SLC44A5: variants seen among roughly 807,000 people sequenced by gnomAD.
The protein encoded by SLC44A5 is solute carrier family 44 member 5, also known as choline transporter-like protein 5.
A neutral mutation model predicts 101.8 loss-of-function variants in SLC44A5; 57 were observed. The observed-to-expected ratio is 0.56, with a 90% CI of 0.45 to 0.70. SLC44A5 has a LOEUF of 0.70. SLC44A5 is among the 30% of genes least tolerant of loss of function. SLC44A5 has a pLI of 0.00. For missense variants in SLC44A5, 737 were observed against 853.1 expected (o/e 0.86, Z 1.70); for synonymous variants, 281 against 290.9 (o/e 0.97, Z 0.35).
intron 5 of SLC44A5, among the ~76,000 whole-genome samples, chr1:75,290,768 C>T (rs1427612548): frequency 6.6e-6 from 1 of 152,138 alleles, no homozygotes; most frequent in Admixed American, 6.5e-5. Context: ...GAAAAACGCC[C>T]AGCCCATATT....
At chr1:75,711,010 G>A in the SLC44A5 span, among the ~76,000 whole-genome samples, 5 of 151,954 alleles carry the variant, frequency 3.3e-5, no homozygotes, top group African/African-American at 4.8e-5. Flanking sequence ...TATAACTTTA[G>A]CTTGCACATG....
the SLC44A5 span, among the ~76,000 whole-genome samples, chr1:75,723,255 A>G: frequency 6.6e-6 from 1 of 152,222 alleles, no homozygotes. Flanking sequence ...TTCTGCAGAA[A>G]GTAAACTAGC....
At chr1:75,254,919 A>G (rs1352575709) in intron 6 of SLC44A5, among the ~76,000 whole-genome samples, 1 of 152,154 alleles carries the variant, frequency 6.6e-6, no homozygotes, top group African/African-American at 2.4e-5. Context: ...GCAAAAAAAA[A>G]TCTCATAATG....
At chr1:75,675,008 T>G in the SLC44A5 span, among the ~76,000 whole-genome samples, 1 of 152,214 alleles carries the variant, frequency 6.6e-6, no homozygotes. Flanking sequence ...CTTTGGTTAC[T>G]GTAGAGCCTT....
intron 1 of SLC44A5, among the ~76,000 whole-genome samples, chr1:75,553,711 A>G (rs1367390756): frequency 1.3e-5 from 2 of 152,190 alleles, no homozygotes; most frequent in African/African-American, 4.8e-5. Flanking sequence ...CTCTTAGAGA[A>G]AGAAAGTATG....
intron 1 of SLC44A5, among the ~76,000 whole-genome samples, chr1:75,547,923 A>G (rs1671737365): frequency 6.6e-6 from 1 of 152,202 alleles, no homozygotes; most frequent in Non-Finnish European, 1.5e-5. Flanking sequence ...TAAAGTCTGC[A>G]TTGACTGAAT....
At chr1:75,652,428 T>G in the SLC44A5 span, among the ~76,000 whole-genome samples, 1 of 152,172 alleles carries the variant, frequency 6.6e-6, no homozygotes, top group Non-Finnish European at 1.5e-5. Flanking sequence ...AGGCAAGAAT[T>G]GAGGTTGCTG....
intron 2 of SLC44A5, among the ~76,000 whole-genome samples, chr1:75,451,783 AAATC>A (rs1454289373): frequency 2.0e-5 from 3 of 152,242 alleles, no homozygotes; most frequent in Admixed American, 6.5e-5. Context: ...CTTTCTAACT[AAATC>A]AGTCAGACAA....
intron 2 of SLC44A5, among the ~76,000 whole-genome samples, chr1:75,484,044 T>A (rs967750073): frequency 6.6e-6 from 1 of 152,146 alleles, no homozygotes; most frequent in African/African-American, 2.4e-5. Flanking sequence ...CATGTGGGAA[T>A]TACAATTCAA....
intron 2 of SLC44A5, among the ~76,000 whole-genome samples, chr1:75,501,011 A>G (rs1214223267): frequency 6.6e-6 from 1 of 152,188 alleles, no homozygotes; most frequent in African/African-American, 2.4e-5. Context: ...AATATGCTTA[A>G]GGCAAAGTCA....
At chr1:75,404,440 G>A (rs1015353404) in intron 2 of SLC44A5, among the ~76,000 whole-genome samples, 2 of 152,176 alleles carry the variant, frequency 1.3e-5, no homozygotes, top group Non-Finnish European at 2.9e-5. Context: ...GTTAGGGGCA[G>A]CCAGAGCAAA....
chr1:75,667,898 C>A, the SLC44A5 span, among the ~76,000 whole-genome samples: 2 of 152,044 alleles, frequency 1.3e-5, no homozygotes, highest in Non-Finnish European at 2.9e-5. Flanking sequence ...TCTTTTTATT[C>A]GAAGAATATG....
chr1:75,296,064 C>T (rs675962), intron 5 of SLC44A5, among the ~76,000 whole-genome samples: 117,408 of 152,112 alleles, frequency 0.77, 45,819 homozygotes, highest in East Asian at 0.97. Context: ...TAGCCTTATG[C>T]AATTATGTAA....
the SLC44A5 span, among the ~76,000 whole-genome samples, chr1:75,645,085 A>T: frequency 6.6e-6 from 1 of 152,156 alleles, no homozygotes; most frequent in African/African-American, 2.4e-5. Flanking sequence ...CACAATAAAC[A>T]TATGTGTGCA....
the SLC44A5 span, among the ~76,000 whole-genome samples, chr1:75,714,333 G>A: frequency 5.3e-5 from 8 of 152,144 alleles, no homozygotes; most frequent in African/African-American, 1.4e-4. Context: ...TCAACATTCC[G>A]TCATGTTAAA....
intron 3 of SLC44A5, among the ~76,000 whole-genome samples, chr1:75,347,858 C>T (rs1160625118): frequency 1.3e-5 from 2 of 151,934 alleles, no homozygotes; most frequent in Non-Finnish European, 2.9e-5. Flanking sequence ...GCAGAAATGT[C>T]GATGAAATTT....
At chr1:75,212,349 C>T (rs558370255) in intron 22 of SLC44A5, among the ~76,000 whole-genome samples, 1 of 152,208 alleles carries the variant, frequency 6.6e-6, no homozygotes, top group South Asian at 2.1e-4. Context: ...CTTCTACCCT[C>T]CACCCTCAAG....
intron 2 of SLC44A5, among the ~76,000 whole-genome samples, chr1:75,419,988 A>C (rs1663900899): frequency 6.6e-6 from 1 of 152,098 alleles, no homozygotes; most frequent in Non-Finnish European, 1.5e-5. Context: ...CTTAACTCCC[A>C]AGATGATGGA....
intron 2 of SLC44A5, among the ~76,000 whole-genome samples, chr1:75,428,729 C>A (rs1184948453): frequency 2.0e-5 from 3 of 152,112 alleles, no homozygotes; most frequent in African/African-American, 7.2e-5. Flanking sequence ...TTCTGTCATT[C>A]CAGTGTCTGA....
Sources: allele counts gnomAD v4.1 joint callset (sites outside exome capture counted in the v4.1 genomes callset), GRCh38; gene constraint gnomAD v4.1.1; transcripts MANE v1.5; gene names NCBI Gene and HGNC (gene_info 2026-07-23, HGNC 2026-07-21).